The following CUX1 variants were observed in gnomAD, a reference collection of about 807,000 sequenced individuals.
The protein encoded by CUX1 is cut like homeobox 1.
Under a neutral mutation model 158.8 loss-of-function variants are expected in CUX1, and 31 were observed. The observed-to-expected ratio is 0.20, with a 90% CI of 0.15 to 0.26. CUX1 has a LOEUF of 0.26. Ranked by LOEUF, CUX1 falls within the 10% of genes least tolerant of loss-of-function variation. The pLI is 1.00. For synonymous variants in CUX1, 879 were observed against 862.1 expected, an observed-to-expected ratio of 1.02 and a Z score of -0.34; for missense variants, 1,589 against 2,014.6, an observed-to-expected ratio of 0.79 and a Z score of 4.04.
chr7:102,186,595 ATT>A (rs781912833), intron 11 of CUX1, among the ~76,000 whole-genome samples: 28 of 128,612 alleles, frequency 2.2e-4, no homozygotes, highest in South Asian at 4.9e-4. Flanking sequence ...ATATATATAT[ATT>A]TTTTTTTATT....
chr7:102,125,205 T>TG (rs1554494778), intron 8 of CUX1, among the ~76,000 whole-genome samples: 2 of 152,020 alleles, frequency 1.3e-5, no homozygotes. Flanking sequence ...TGATGATGAG[T>TG]GGGTCAGGGT....
intron 4 of CUX1, among the ~76,000 whole-genome samples, chr7:102,073,146 T>C (rs1826319198): frequency 6.9e-6 from 1 of 144,284 alleles, no homozygotes; most frequent in African/African-American, 2.5e-5. Flanking sequence ...TTCTAAATAA[T>C]ATGTAATCTC....
At chr7:101,939,056 T>A (rs990661538) in intron 2 of CUX1, among the ~76,000 whole-genome samples, 38 of 52,094 alleles carry the variant, frequency 7.3e-4, no homozygotes, top group African/African-American at 2.1e-3. Flanking sequence ...AAAAAAAAAA[T>A]ACATATATAT....
intron 1 of CUX1, among the ~76,000 whole-genome samples, chr7:101,867,960 C>G (rs899529470): frequency 2.0e-5 from 3 of 152,080 alleles, no homozygotes; most frequent in African/African-American, 7.2e-5. Flanking sequence ...ATCTGCCCGC[C>G]TTGGCCTCCT....
intron 1 of CUX1, among the ~76,000 whole-genome samples, chr7:101,860,814 C>A (rs1482474485): frequency 7.7e-6 from 1 of 129,574 alleles, no homozygotes; most frequent in African/African-American, 3.0e-5. Flanking sequence ...TCTCTCTTTC[C>A]TTTTTTTAAA....
chr7:101,833,536 CAG>C (rs1387805855), intron 1 of CUX1, among the ~76,000 whole-genome samples: 1 of 115,384 alleles, frequency 8.7e-6, no homozygotes, highest in Non-Finnish European at 1.6e-5. Context: ...GCCTGGGTGA[CAG>C]AGCAAGAGGA....
At chr7:102,184,584 C>T (rs1554514773) in intron 11 of CUX1, among the ~76,000 whole-genome samples, 1 of 152,232 alleles carries the variant, frequency 6.6e-6, no homozygotes, top group Non-Finnish European at 1.5e-5. Flanking sequence ...AGGTCTCTGA[C>T]ACTTGGCCTT....
At position 102,252,071 on chromosome 7, in the gene CUX1, T is replaced by C; in HGVS notation, c.*3029T>C. On this transcript the variant is annotated 3_prime_UTR_variant, in exon 24 of 24. Transcript: ENST00000292535. The stretch of plus-strand genomic sequence containing the variant: ...TACATCTGGTGCCAGATACAATCAG[T>C]TGGTTAAATTTTGCTTGCAGTTCTG... 1 of 985,412 alleles carries C rather than the reference T, an allele frequency of 1.0e-6. No homozygotes were observed. Among genetic ancestry groups the C allele is most frequent in the Non-Finnish European group, 1.2e-6 (1 of 829,916 alleles). The allele number at this position is 985,412 out of a possible 1,614,324, so 61.0% of individuals were successfully genotyped here. A position where few individuals can be genotyped will look rare whatever the true frequency, so the allele number is the denominator to read the frequency against.
intron 21 of CUX1, among the ~76,000 whole-genome samples, chr7:102,232,133 T>TTTTTG (rs556343011): frequency 5.2e-4 from 79 of 152,224 alleles, no homozygotes; most frequent in African/African-American, 1.5e-3. Context: ...ATCTTTAAGT[T>TTTTTG]TTTTGTTTTG....
intron 12 of CUX1, among the ~76,000 whole-genome samples, chr7:102,192,791 C>T (rs1221179889): frequency 6.6e-6 from 1 of 152,202 alleles, no homozygotes; most frequent in Non-Finnish European, 1.5e-5. Context: ...CTCTCTCTTC[C>T]ATCCTTGGTA....
intron 14 of CUX1, among the ~76,000 whole-genome samples, chr7:102,268,311 G>A (rs185980043): frequency 5.9e-5 from 9 of 152,164 alleles, no homozygotes; most frequent in East Asian, 1.9e-4. Context: ...TCTGCCCATC[G>A]GGCTGTGCCT....
chr7:102,205,932 T>C (rs1346964968), intron 20 of CUX1, among the ~76,000 whole-genome samples: 1 of 152,186 alleles, frequency 6.6e-6, no homozygotes, highest in Non-Finnish European at 1.5e-5. Context: ...AGCTGAGCTT[T>C]TCACAGCCAG....
chr7:102,179,046 TATTC>T (rs1342848698), intron 11 of CUX1, among the ~76,000 whole-genome samples: 5 of 151,924 alleles, frequency 3.3e-5, no homozygotes, highest in African/African-American at 9.7e-5. Context: ...TTTATTTATT[TATTC>T]ATTCATTTAT....
intron 4 of CUX1, among the ~76,000 whole-genome samples, chr7:102,084,308 G>A (rs2130778482): frequency 6.7e-6 from 1 of 148,266 alleles, no homozygotes; most frequent in South Asian, 2.1e-4. Flanking sequence ...TTTATATTAT[G>A]TAATGTTTAT....
rs572894391 is a variant in CUX1 at position 101,951,002 on chromosome 7, A to C, written c.141+34777A>C. ...ATCTGCCCCCTGGAGGAGTTTTTCC[A>C]AGATACAATTCTGATTGATTAACTT... On this transcript the variant is annotated intron_variant, in intron 2 of 23. Coordinates refer to ENST00000292535, the MANE Select transcript of CUX1 (RefSeq NM_181552.4). Among the ~76,000 whole-genome samples, 11 of 152,258 alleles carry C rather than the reference A, an allele frequency of 7.2e-5. No homozygotes were observed. In the South Asian group the frequency reaches 2.3e-3, roughly 32 times the overall value.
intron 2 of CUX1, among the ~76,000 whole-genome samples, chr7:101,925,193 C>A (rs1459953542): frequency 6.6e-6 from 1 of 152,168 alleles, no homozygotes; most frequent in Non-Finnish European, 1.5e-5. Flanking sequence ...ACTGAAACCT[C>A]TGCCTCCCAG....
At chr7:101,860,181 G>C (rs764455743) in intron 1 of CUX1, among the ~76,000 whole-genome samples, 16 of 151,990 alleles carry the variant, frequency 1.1e-4, no homozygotes, top group Non-Finnish European at 2.2e-4. Flanking sequence ...TCGCTGTTTG[G>C]TATTTTGAAC....
chr7:101,841,517 TA>T (rs1356431999), intron 1 of CUX1, among the ~76,000 whole-genome samples: 3 of 151,990 alleles, frequency 2.0e-5, no homozygotes, highest in African/African-American at 4.8e-5. Flanking sequence ...TTTTCTAACT[TA>T]TTTTTTTGAA....
intron 20 of CUX1, among the ~76,000 whole-genome samples, chr7:102,221,187 A>C (rs564500160): frequency 3.9e-5 from 6 of 152,368 alleles, no homozygotes; most frequent in African/African-American, 1.4e-4. Context: ...AAAGTGGCGC[A>C]TCAGACCAGC....
Sources: gnomAD v4.1 joint callset for allele counts (sites outside exome capture counted in the v4.1 genomes callset) on GRCh38, gnomAD v4.1.1 for gene constraint, MANE v1.5 for transcripts, NCBI Gene and HGNC (gene_info 2026-07-23, HGNC 2026-07-21) for gene names.